Variants in ABCA1 observed in about 807,000 individuals in gnomAD.
The protein encoded by ABCA1 is phospholipid-transporting ATPase ABCA1.
In ABCA1, 133 loss-of-function variants were observed where a neutral mutation model predicts 262.5. The observed-to-expected ratio is 0.51, with a 90% confidence interval of 0.44 to 0.59. The LOEUF (loss-of-function observed/expected upper bound fraction) is 0.59, where lower values mean the gene tolerates loss of function less well. ABCA1 is among the 20% of genes least tolerant of loss of function. The pLI, the probability that ABCA1 is intolerant of heterozygous loss-of-function variation, is 0.00. For synonymous variants in ABCA1, 1,022 were observed against 1,043.5 expected (o/e 0.98, Z 0.40); for missense variants, 2,452 against 2,777.5 (o/e 0.88, Z 2.63).
chr9:104,911,141 G>C (rs1315126965), intron 1 of ABCA1, among the ~76,000 whole-genome samples: 4 of 152,212 alleles, frequency 2.6e-5, no homozygotes, highest in Non-Finnish European at 4.4e-5. Flanking sequence ...AAACTACAAA[G>C]CAGGAGGTGG....
chr9:104,912,808 A>G (rs1841581709), intron 1 of ABCA1, among the ~76,000 whole-genome samples: 1 of 143,198 alleles, frequency 7.0e-6, no homozygotes, highest in African/African-American at 2.6e-5. Flanking sequence ...ACCTTTCAAC[A>G]TTCTATGTCA....
chr9:104,884,916 T>C (rs985513698), intron 3 of ABCA1, among the ~76,000 whole-genome samples: 1 of 152,208 alleles, frequency 6.6e-6, no homozygotes, highest in Admixed American at 6.5e-5. Context: ...AGCCTATTTT[T>C]TCATACTCTA....
chr9:104,908,342 T>G (rs951425137), intron 1 of ABCA1, among the ~76,000 whole-genome samples: 3 of 152,192 alleles, frequency 2.0e-5, no homozygotes, highest in African/African-American at 7.2e-5. Flanking sequence ...TGGAAACAAT[T>G]AGTTGTCGAA....
rs905377113 is a variant in ABCA1 at position 104,873,927 on chromosome 9, T to C, written c.421+9112A>G. Among the ~76,000 whole-genome samples, 6 of 152,354 alleles carry C rather than the reference T, an allele frequency of 3.9e-5. No homozygotes were observed. The South Asian group carries it at 1.2e-3, about 32-fold the overall frequency. ...AGCCAAGATTTGAACCTAGGCCATC[T>C]GGCTGCCAAGTCTGTTCTCTTAACA... On this transcript the variant is annotated intron_variant, in intron 5 of 49. Coordinates refer to ENST00000374736, the MANE Select transcript of ABCA1 (RefSeq NM_005502.4).
At chr9:104,875,090 C>T (rs1350704302) in intron 5 of ABCA1, among the ~76,000 whole-genome samples, 3 of 151,722 alleles carry the variant, frequency 2.0e-5, no homozygotes, top group East Asian at 3.9e-4. Flanking sequence ...CAGATTGTTG[C>T]TGTGTCTGTG....
At chr9:104,812,979 A>C (rs1033377719) in intron 27 of ABCA1, among the ~76,000 whole-genome samples, 4 of 152,240 alleles carry the variant, frequency 2.6e-5, no homozygotes, top group Non-Finnish European at 5.9e-5. Context: ...ACAACTGAAA[A>C]GAGGTGTTCA....
chr9:104,874,741 TAGC>T (rs1406616729), intron 5 of ABCA1, among the ~76,000 whole-genome samples: 3 of 149,924 alleles, frequency 2.0e-5, no homozygotes, highest in Non-Finnish European at 4.4e-5. Context: ...ATACAAAAAT[TAGC>T]AGGGCAGCCA....
chr9:104,866,879 G>C (rs763159939), intron 5 of ABCA1, among the ~76,000 whole-genome samples: 12 of 152,176 alleles, frequency 7.9e-5, no homozygotes, highest in Non-Finnish European at 1.6e-4. Context: ...CCTGCTCCCA[G>C]AAGAATAGAA....
chr9:104,814,182 C>A lies in ABCA1; in HGVS notation c.3837G>T (p.Gln1279His). ...CTTCAGTGAACGGGCGAAGACAGCT[C>A]TGCTTGTCCCCGAAGGCCCGCCTGT... is the stretch of plus-strand genomic sequence containing the variant. ...RRNRRAFGDKQSCLRPFTEDD... is the reference protein window; with the variant it reads ...RRNRRAFGDKHSCLRPFTEDD... The change falls in exon 27 of 50, where the codon CAG (glutamine) becomes CAT (histidine). Residue 1279 changes from glutamine to histidine, a missense_variant. By Grantham distance (24) the Gln-to-His change is conservative. Transcript: ENST00000374736. 8 of 1,614,238 alleles carry A rather than the reference C, an allele frequency of 5.0e-6. No individual in the cohort carries two copies. The highest frequency in any genetic ancestry group is 6.8e-6 in the Non-Finnish European group (8 of 1,180,044).
chr9:104,872,550 G>C (rs80022781), intron 5 of ABCA1, among the ~76,000 whole-genome samples: 3,200 of 152,246 alleles, frequency 0.021, 126 homozygotes, highest in African/African-American at 0.074. Context: ...CAATGAAATG[G>C]AGATAATAAT....
In ABCA1 at chr9:104,832,474, T is replaced by C. The variant is rs1311060086; in HGVS notation, c.1509+100A>G. 1.3e-5 allele frequency: 16 copies of C among 1,274,604 alleles called. No homozygotes were observed. In the South Asian group the frequency reaches 1.4e-4, roughly 11 times the overall value. The allele number at this position is 1,274,604 out of a possible 1,614,324, so 79.0% of individuals were successfully genotyped here. On this transcript the variant is annotated intron_variant, in intron 12 of 49. Transcript: ENST00000374736. ...AGGGATAGTTTTGTAAATGAGACTATACATTATTTCTAAACTTGCCTCCTG... is the reference window on the plus strand; with the variant it reads ...AGGGATAGTTTTGTAAATGAGACTACACATTATTTCTAAACTTGCCTCCTG...
chr9:104,802,176 A>G lies in ABCA1; in HGVS notation c.4593-17T>C. Reference sequence around the variant, plus strand: ...CCGCCATACCTAAAAGAACAGCCTGACATTAAAACCCAGACAGTGGGGTGC... The same window carrying G: ...CCGCCATACCTAAAAGAACAGCCTGGCATTAAAACCCAGACAGTGGGGTGC... On this transcript the variant is annotated splice_polypyrimidine_tract_variant and intron_variant, in intron 33 of 49. Transcript: ENST00000374736. The G allele has an allele frequency of 6.2e-7, 1 of 1,609,238 alleles. No homozygotes were observed. Among genetic ancestry groups the G allele is most frequent in the Non-Finnish European group, 8.5e-7 (1 of 1,175,492 alleles).
intron 5 of ABCA1, among the ~76,000 whole-genome samples, chr9:104,862,709 C>G (rs1357399358): frequency 3.9e-5 from 1 of 25,798 alleles, no homozygotes; most frequent in African/African-American, 1.5e-4. Flanking sequence ...CGGCCCCCAC[C>G]CCCACCCCCA....
intron 5 of ABCA1, among the ~76,000 whole-genome samples, chr9:104,880,910 G>A (rs566273643): frequency 1.3e-5 from 2 of 152,150 alleles, no homozygotes; most frequent in Admixed American, 1.3e-4. Context: ...CAGCACTTTG[G>A]AAGGCCTAGG....
Position 104,845,470 on chromosome 9 carries a change from A to G in ABCA1, c.813+7T>C, listed in dbSNP as rs1834787872. On this transcript the variant is annotated splice_region_variant and intron_variant, in intron 8 of 49. Transcript: ENST00000374736. Reference sequence around the variant, plus strand: ...CCGCTTCCTGGTACTGGAAAGACACAACTTACCTCCTGGGCCAGAGTCCCA... The same window carrying G: ...CCGCTTCCTGGTACTGGAAAGACACGACTTACCTCCTGGGCCAGAGTCCCA... The G allele has an allele frequency of 1.9e-6, 3 of 1,609,140 alleles. No homozygotes were observed. Among genetic ancestry groups the G allele is most frequent in the Non-Finnish European group, 2.6e-6 (3 of 1,175,832 alleles).
intron 14 of ABCA1, among the ~76,000 whole-genome samples, chr9:104,829,929 C>T (rs1167760061): frequency 1.3e-5 from 2 of 148,206 alleles, no homozygotes; most frequent in Admixed American, 6.8e-5. Flanking sequence ...CAGCTCCTCC[C>T]GCATCCTGAT....
At chr9:104,831,192 T>G in intron 13 of ABCA1, 91 bp from the exon 14 acceptor site, 2 of 1,158,502 alleles carry the variant, frequency 1.7e-6, no homozygotes, top group African/African-American at 1.6e-5. Context: ...CCTACTACCC[T>G]TACCAAGCCC....
At chr9:104,801,402 A>G (rs1830323978) in intron 34 of ABCA1, among the ~76,000 whole-genome samples, 1 of 151,768 alleles carries the variant, frequency 6.6e-6, no homozygotes, top group Non-Finnish European at 1.5e-5. Context: ...CTATGTTTTT[A>G]GCAGAGACAG....
intron 5 of ABCA1, among the ~76,000 whole-genome samples, chr9:104,882,056 A>AAAAAAAC (rs910844455): frequency 2.8e-5 from 4 of 144,536 alleles, no homozygotes; most frequent in Non-Finnish European, 3.0e-5. Flanking sequence ...AAAAAAAAAA[A>AAAAAAAC]ACTCAAATCT....
Sources: gnomAD v4.1 joint callset for allele counts (sites outside exome capture counted in the v4.1 genomes callset) on GRCh38, gnomAD v4.1.1 for gene constraint, MANE v1.5 for transcripts, NCBI Gene and HGNC (gene_info 2026-07-23, HGNC 2026-07-21) for gene names.